The following PDE7B variants were observed in gnomAD, a reference collection of about 807,000 sequenced individuals.
The protein encoded by PDE7B is 3',5'-cyclic-AMP phosphodiesterase 7B.
A neutral mutation model predicts 56.2 loss-of-function variants in PDE7B; 29 were observed. That is an observed-to-expected ratio of 0.52 (90% CI 0.38 to 0.70). The LOEUF (loss-of-function observed/expected upper bound fraction) is 0.70. PDE7B is among the 30% of genes least tolerant of loss of function. The pLI is 0.00. For synonymous variants in PDE7B, 197 were observed against 196.9 expected (o/e 1.00, Z 0.00); for missense variants, 490 against 565.0 (o/e 0.87, Z 1.35).
At chr6:136,014,802 T>C (rs1331683295) in intron 2 of PDE7B, among the ~76,000 whole-genome samples, 1 of 152,154 alleles carries the variant, frequency 6.6e-6, no homozygotes, top group Non-Finnish European at 1.5e-5. Context: ...GAAATGACAA[T>C]GCGTAAAACA....
intron 2 of PDE7B, among the ~76,000 whole-genome samples, chr6:136,095,335 T>G (rs1351405): frequency 0.27 from 41,386 of 152,022 alleles, 7,052 homozygotes; most frequent in Non-Finnish European, 0.38. Flanking sequence ...ATGTAATACA[T>G]ATGTTCTATA....
At chr6:135,955,539 G>A (rs1379735343) in intron 2 of PDE7B, among the ~76,000 whole-genome samples, 1 of 152,126 alleles carries the variant, frequency 6.6e-6, no homozygotes, top group South Asian at 2.1e-4. Context: ...GGACAGGAAG[G>A]CAGGAGAGAT....
intron 12 of PDE7B, 51 bp downstream of exon 12, chr6:136,187,167 C>CTTTTGTG: frequency 1.1e-6 from 1 of 880,786 alleles, no homozygotes; most frequent in Non-Finnish European, 1.9e-6. Flanking sequence ...GCACATCTCA[C>CTTTTGTG]AAAAGTGACA....
At position 136,190,986 on chromosome 6, in the gene PDE7B, G is replaced by T. The variant is rs1433115954; in HGVS notation, c.1127-628G>T. ...CATTTGCCCTCTCCATCCCTTCTCCGCCTGCCTTCTTTAGCTCCAGCATAC... is the reference window on the plus strand; with the variant it reads ...CATTTGCCCTCTCCATCCCTTCTCCTCCTGCCTTCTTTAGCTCCAGCATAC... On this transcript the variant is annotated intron_variant, in intron 12 of 12. Coordinates refer to ENST00000308191, the MANE Select transcript of PDE7B (RefSeq NM_018945.4). Among the ~76,000 whole-genome samples, 6 of 138,728 alleles carry T rather than the reference G, an allele frequency of 4.3e-5. No individual in the cohort carries two copies. The South Asian group carries it at 1.4e-3, about 32-fold the overall frequency. 91.0% of individuals were successfully genotyped at this position (138,728 alleles called of 152,430 possible).
intron 2 of PDE7B, among the ~76,000 whole-genome samples, chr6:135,994,812 A>C (rs1217421031): frequency 6.6e-6 from 1 of 152,234 alleles, no homozygotes; most frequent in Non-Finnish European, 1.5e-5. Flanking sequence ...GAATTATTAT[A>C]TTAGCATGTA....
intron 2 of PDE7B, among the ~76,000 whole-genome samples, chr6:136,048,682 A>T (rs111308527): frequency 0.035 from 5,301 of 152,232 alleles, 295 homozygotes; most frequent in African/African-American, 0.12. Context: ...GTGATATGAT[A>T]AATTTTACAT....
chr6:136,002,172 G>C (rs931052552), intron 2 of PDE7B, among the ~76,000 whole-genome samples: 6 of 152,062 alleles, frequency 3.9e-5, no homozygotes, highest in Non-Finnish European at 8.8e-5. Context: ...TCACCACCAG[G>C]CCTGGCCTAA....
At chr6:136,151,834 G>T (rs1778524092) in intron 6 of PDE7B, among the ~76,000 whole-genome samples, 1 of 109,792 alleles carries the variant, frequency 9.1e-6, no homozygotes, top group African/African-American at 3.7e-5. Flanking sequence ...AGCTACTTGG[G>T]AGGCTGAGGC....
intron 2 of PDE7B, among the ~76,000 whole-genome samples, chr6:136,058,975 A>G (rs1776787607): frequency 6.6e-6 from 1 of 152,200 alleles, no homozygotes; most frequent in African/African-American, 2.4e-5. Flanking sequence ...AGAGTCAGCA[A>G]CTTAAATACA....
intron 2 of PDE7B, among the ~76,000 whole-genome samples, chr6:136,073,130 GC>G (rs1292472843): frequency 6.6e-6 from 1 of 152,058 alleles, no homozygotes; most frequent in African/African-American, 2.4e-5. Context: ...GGCAGGGATG[GC>G]CATGCTGAAG....
At chr6:136,048,489 A>G (rs1179810136) in intron 2 of PDE7B, among the ~76,000 whole-genome samples, 2 of 152,016 alleles carry the variant, frequency 1.3e-5, no homozygotes, top group Non-Finnish European at 2.9e-5. Flanking sequence ...CATTACACTC[A>G]ACACAGGACC....
intron 1 of PDE7B, among the ~76,000 whole-genome samples, chr6:135,915,789 A>G (rs991297632): frequency 3.9e-5 from 6 of 152,324 alleles, no homozygotes; most frequent in Admixed American, 2.0e-4. Context: ...TCATCCATGT[A>G]GAATTATACG....
intron 2 of PDE7B, among the ~76,000 whole-genome samples, chr6:135,961,386 A>G (rs1774899226): frequency 6.6e-6 from 1 of 151,714 alleles, no homozygotes; most frequent in Non-Finnish European, 1.5e-5. Flanking sequence ...AGCTGTGTAC[A>G]AAAGTCCCAC....
intron 9 of PDE7B, among the ~76,000 whole-genome samples, chr6:136,174,688 C>T (rs1224485185): frequency 3.3e-5 from 5 of 152,136 alleles, no homozygotes; most frequent in Non-Finnish European, 5.9e-5. Context: ...AGTGCTGTCT[C>T]CCAACTGAAC....
At chr6:135,943,181 A>G (rs1014641395) in intron 1 of PDE7B, among the ~76,000 whole-genome samples, 3 of 152,226 alleles carry the variant, frequency 2.0e-5, no homozygotes, top group African/African-American at 7.2e-5. Context: ...TTACAATCTT[A>G]TCGACAATAA....
At chr6:135,959,334 T>A (rs895736289) in intron 2 of PDE7B, among the ~76,000 whole-genome samples, 3 of 152,020 alleles carry the variant, frequency 2.0e-5, no homozygotes, top group Non-Finnish European at 4.4e-5. Flanking sequence ...AAGAAAAGAG[T>A]TACTATGTCA....
chr6:135,899,468 G>C (rs1775961708), intron 1 of PDE7B, among the ~76,000 whole-genome samples: 1 of 150,844 alleles, frequency 6.6e-6, no homozygotes, highest in African/African-American at 2.4e-5. Context: ...ATGTAAACTT[G>C]CAGTTAGATA....
intron 2 of PDE7B, among the ~76,000 whole-genome samples, chr6:136,030,399 A>C (rs574668205): frequency 6.6e-6 from 1 of 152,344 alleles, no homozygotes; most frequent in Non-Finnish European, 1.5e-5. Flanking sequence ...AACCTGTTAA[A>C]GAATGCAGCC....
rs1389355316 is a variant in PDE7B, at chr6:136,192,035, A to G, written c.*195A>G. ...TACAGAAGCCATTTGTCACCTCAGC[A>G]TTCGCTGCCGAAATGAGCAACTCCA... On this transcript the variant is annotated 3_prime_UTR_variant, in exon 13 of 13. Transcript: ENST00000308191. The G allele has an allele frequency of 1.7e-6, 1 of 590,904 alleles. No individual in the cohort carries two copies. Among genetic ancestry groups the G allele is most frequent in the African/African-American group, 1.9e-5 (1 of 53,656 alleles). The allele number at this position is 590,904 out of a possible 1,614,324, so 36.6% of individuals were successfully genotyped here.
Sources: allele counts gnomAD v4.1 joint callset (sites outside exome capture counted in the v4.1 genomes callset), GRCh38; gene constraint gnomAD v4.1.1; transcripts MANE v1.5; gene names NCBI Gene and HGNC (gene_info 2026-07-23, HGNC 2026-07-21).